The following CTTNBP2 variants were observed in gnomAD, a reference collection of about 807,000 sequenced individuals.
CTTNBP2 encodes cortactin binding protein 2, also known as cortactin-binding protein 2.
CTTNBP2 carries 108 observed loss-of-function variants against 156.9 expected under a neutral mutation model. That is an observed-to-expected ratio of 0.69 (90% CI 0.59 to 0.81). CTTNBP2 has a LOEUF of 0.81. Among genes scored for constraint, CTTNBP2 ranks in the 30% least tolerant of loss-of-function variants. The pLI is 0.00. For synonymous variants in CTTNBP2, 767 were observed against 751.8 expected (o/e 1.02, Z -0.33); for missense variants, 1,924 against 2,035.4 (o/e 0.95, Z 1.05).
chr7:117,781,154 T>G (rs1001870889), intron 6 of CTTNBP2, among the ~76,000 whole-genome samples: 19 of 152,164 alleles, frequency 1.2e-4, no homozygotes, highest in African/African-American at 3.9e-4. Flanking sequence ...GAGGAAAAGA[T>G]AGCTAAGCAG....
At chr7:117,761,148 T>C (rs1223908672) in intron 9 of CTTNBP2, among the ~76,000 whole-genome samples, 1 of 152,226 alleles carries the variant, frequency 6.6e-6, no homozygotes, top group Non-Finnish European at 1.5e-5. Flanking sequence ...AGACCTTGGG[T>C]TGAACCGCAG....
chr7:117,832,791 G>A (rs1324324522), intron 2 of CTTNBP2, among the ~76,000 whole-genome samples: 1 of 146,030 alleles, frequency 6.8e-6, no homozygotes, highest in African/African-American at 2.6e-5. Context: ...GTGTCGCCAG[G>A]GCTGGAGTAC....
intron 2 of CTTNBP2, among the ~76,000 whole-genome samples, chr7:117,812,255 T>C (rs1225942376): frequency 6.6e-6 from 1 of 152,122 alleles, no homozygotes; most frequent in Non-Finnish European, 1.5e-5. Context: ...ATTTTCCTAA[T>C]TCAGGTCATT....
At chr7:117,782,785 C>T (rs188275447) in intron 6 of CTTNBP2, 77 bp downstream of exon 6, 24 of 916,722 alleles carry the variant, frequency 2.6e-5, no homozygotes, top group African/African-American at 1.7e-4. Context: ...CACATTCAGC[C>T]GGAACTAAAA....
intron 17 of CTTNBP2, among the ~76,000 whole-genome samples, chr7:117,726,191 T>C (rs73473622): frequency 0.011 from 1,619 of 152,332 alleles, 27 homozygotes; most frequent in African/African-American, 0.037. Context: ...AAAAAGATTA[T>C]GCTTTGTTGC....
At chr7:117,846,745 C>T (rs1175883204) in intron 2 of CTTNBP2, among the ~76,000 whole-genome samples, 1 of 151,960 alleles carries the variant, frequency 6.6e-6, no homozygotes, top group East Asian at 1.9e-4. Flanking sequence ...AAAAGTTGCT[C>T]CATTATTATT....
At chr7:117,724,853 G>A in intron 18 of CTTNBP2, 121 bp from the exon 19 acceptor site, 1 of 1,250,592 alleles carries the variant, frequency 8.0e-7, no homozygotes, top group Non-Finnish European at 1.1e-6. Context: ...TCCAAGCTGG[G>A]GTTTTGTGAA....
At chr7:117,773,888 C>T (rs558586518) in intron 8 of CTTNBP2, among the ~76,000 whole-genome samples, 1 of 152,132 alleles carries the variant, frequency 6.6e-6, no homozygotes, top group South Asian at 2.1e-4. Flanking sequence ...CCACTGGCTT[C>T]GGCAACACAT....
chr7:117,839,976 A>G (rs534844447), intron 2 of CTTNBP2, among the ~76,000 whole-genome samples: 1 of 152,342 alleles, frequency 6.6e-6, no homozygotes, highest in Admixed American at 6.5e-5. Context: ...TGAAAGATTC[A>G]CTACTCCAAA....
At chr7:117,851,762 C>T (rs1472318248) in intron 2 of CTTNBP2, among the ~76,000 whole-genome samples, 1 of 152,160 alleles carries the variant, frequency 6.6e-6, no homozygotes, top group Non-Finnish European at 1.5e-5. Context: ...ACACATGGAA[C>T]CTCTGATGTA....
chr7:117,726,424 A>G (rs1795097356), intron 17 of CTTNBP2, among the ~76,000 whole-genome samples: 1 of 152,214 alleles, frequency 6.6e-6, no homozygotes, highest in African/African-American at 2.4e-5. Context: ...ATTCTACAGC[A>G]TGAATCGAAA....
chr7:117,799,105 A>G (rs1205003750), intron 3 of CTTNBP2, among the ~76,000 whole-genome samples: 2 of 151,642 alleles, frequency 1.3e-5, no homozygotes, highest in African/African-American at 2.4e-5. Flanking sequence ...AAAACATTAA[A>G]GAAAAAAAAA....
intron 9 of CTTNBP2, among the ~76,000 whole-genome samples, chr7:117,762,521 C>A (rs556759893): frequency 2.3e-4 from 35 of 152,270 alleles, no homozygotes; most frequent in African/African-American, 7.2e-4. Flanking sequence ...TATCCAGAAC[C>A]CAAGTCCTTC....
chr7:117,785,042 A>G lies in CTTNBP2; in HGVS notation c.2069-588T>C, dbSNP rs1372867267. The stretch of plus-strand genomic sequence containing the variant: ...ATAGAAATAATGGAGGCCAACTGCT[A>G]TTCAGTATTAAGAGATAATAAAATA... On this transcript the variant is annotated intron_variant, in intron 4 of 22. Coordinates refer to ENST00000160373, the MANE Select transcript of CTTNBP2 (RefSeq NM_033427.3). Among the ~76,000 whole-genome samples, 3 of 152,326 alleles carry G rather than the reference A, an allele frequency of 2.0e-5. No individual in the cohort carries two copies. In the East Asian group the frequency reaches 5.8e-4, roughly 29 times the overall value.
At chr7:117,839,135 T>C (rs185144155) in intron 2 of CTTNBP2, among the ~76,000 whole-genome samples, 1 of 152,262 alleles carries the variant, frequency 6.6e-6, no homozygotes, top group African/African-American at 2.4e-5. Flanking sequence ...TGCCTGTAAT[T>C]TTCTTAGTAC....
chr7:117,755,704 T>G (rs1010203749), intron 12 of CTTNBP2: 12 of 333,736 alleles, frequency 3.6e-5, no homozygotes, highest in Non-Finnish European at 6.4e-5. Context: ...ATTTATCCAT[T>G]TTACATTTAT....
chr7:117,724,947 G>C, intron 18 of CTTNBP2, 105 bp downstream of exon 18: 1 of 1,139,496 alleles, frequency 8.8e-7, no homozygotes, highest in Non-Finnish European at 1.3e-6. Context: ...GCTATAAGAT[G>C]TATATTTTTC....
At position 117,792,799 on chromosome 7, in the gene CTTNBP2, G is replaced by T; in HGVS notation, c.415-18C>A. The T allele has an allele frequency of 6.7e-7, 1 of 1,500,742 alleles. No individual in the cohort carries two copies. Among genetic ancestry groups the T allele is most frequent in the South Asian group, 1.4e-5 (1 of 72,178 alleles). 93.0% of individuals were successfully genotyped at this position (1,500,742 alleles called of 1,614,324 possible). A position where few individuals can be genotyped will look rare whatever the true frequency, so the allele number is the denominator to read the frequency against. ...ATTTCCAGCTGAAAGAAATTCACAG[G>T]AAAACCCTGATTAATATACAGAATT... On this transcript the variant is annotated intron_variant, in intron 3 of 22. Coordinates refer to ENST00000160373, the MANE Select transcript of CTTNBP2 (RefSeq NM_033427.3). The surrounding 1 kb of genome is among the most constrained non-coding windows in gnomAD (Gnocchi z 4.2).
In CTTNBP2 at chr7:117,718,068, GGTT is replaced by G. The variant is rs747280266; in HGVS notation, c.4693_4695del (p.Asn1565del). ...TTATTAATAGTTGCTGAAAGTACAG[GGTT>G]GTTTCCAGAACTATCAAACATCCTT... On this transcript the variant is annotated inframe_deletion, in exon 22 of 23. Transcript: ENST00000160373. The G allele has an allele frequency of 2.5e-6, 4 of 1,613,420 alleles. No individual in the cohort carries two copies. The South Asian group carries it at 4.4e-5, about 18-fold the overall frequency.
Sources: gnomAD v4.1 joint callset for allele counts (sites outside exome capture counted in the v4.1 genomes callset) on GRCh38, gnomAD v4.1.1 for gene constraint, Gnocchi (gnomAD v3.1) non-coding constraint, MANE v1.5 for transcripts, NCBI Gene and HGNC (gene_info 2026-07-23, HGNC 2026-07-21) for gene names.